Variants in CDH23 observed in about 807,000 individuals in gnomAD.
CDH23 encodes cadherin related 23.
A neutral mutation model predicts 317.1 loss-of-function variants in CDH23; 189 were observed. The ratio of observed to expected loss-of-function variants is 0.60; its 90% CI spans 0.53 to 0.67. The LOEUF (loss-of-function observed/expected upper bound fraction) is 0.67, where lower values mean the gene tolerates loss of function less well. CDH23 is among the 30% of genes least tolerant of loss of function. The probability of loss-of-function intolerance (pLI) is 0.00; values close to 1 mark genes in which losing one functional copy is unlikely to be tolerated. For synonymous variants in CDH23, 1,839 were observed against 1,876.8 expected, an observed-to-expected ratio of 0.98 and a Z score of 0.52; for missense variants, 4,401 against 4,592.4, an observed-to-expected ratio of 0.96 and a Z score of 1.20.
intron 9 of CDH23, among the ~76,000 whole-genome samples, chr10:71,591,480 C>T (rs938193132): frequency 6.6e-6 from 1 of 152,130 alleles, no homozygotes; most frequent in Non-Finnish European, 1.5e-5. Context: ...CAAGCTGATG[C>T]AGCTAACCAT....
chr10:71,509,526 A>T (rs1436214845), intron 3 of CDH23, among the ~76,000 whole-genome samples: 1 of 152,164 alleles, frequency 6.6e-6, no homozygotes, highest in East Asian at 1.9e-4. Flanking sequence ...TGTGGTGCCA[A>T]AGATGGCTGC....
intron 9 of CDH23, among the ~76,000 whole-genome samples, chr10:71,604,773 C>T (rs1275267108): frequency 6.6e-6 from 1 of 152,238 alleles, no homozygotes; most frequent in African/African-American, 2.4e-5. Flanking sequence ...CTGCCCTCAG[C>T]AGGACTGGGC....
chr10:71,448,174 A>G (rs1263598602), intron 3 of CDH23, among the ~76,000 whole-genome samples: 2 of 152,146 alleles, frequency 1.3e-5, no homozygotes, highest in Non-Finnish European at 2.9e-5. Context: ...GGGTCCTCAG[A>G]GGCCTATGTA....
At chr10:71,694,297 G>A (rs201887019) in intron 21 of CDH23, 38 bp downstream of exon 21, 160 of 1,503,382 alleles carry the variant, frequency 1.1e-4, no homozygotes, top group East Asian at 3.0e-4. Context: ...GCTCCCCCTC[G>A]CCGGCCAGGC....
chr10:71,666,139 C>T (rs1863882167), intron 14 of CDH23, among the ~76,000 whole-genome samples: 1 of 152,088 alleles, frequency 6.6e-6, no homozygotes, highest in African/African-American at 2.4e-5. Flanking sequence ...CCCATCCTGT[C>T]CTCACTGCTC....
chr10:71,754,353 G>T (rs767749394), intron 38 of CDH23, among the ~76,000 whole-genome samples: 2 of 152,200 alleles, frequency 1.3e-5, no homozygotes, highest in African/African-American at 4.8e-5. Context: ...TGAGGGGAGG[G>T]AGGGATGACA....
At chr10:71,576,449 C>G (rs760178201) in intron 8 of CDH23, among the ~76,000 whole-genome samples, 1 of 151,926 alleles carries the variant, frequency 6.6e-6, no homozygotes, top group Non-Finnish European at 1.5e-5. Context: ...TAGCTTGCCC[C>G]ACAAGAGCGC....
At chr10:71,634,190 G>A (rs571883483) in intron 11 of CDH23, among the ~76,000 whole-genome samples, 1 of 152,350 alleles carries the variant, frequency 6.6e-6, no homozygotes, top group East Asian at 1.9e-4. Context: ...CCAGGAGGCT[G>A]GTGAGGCCAG....
At chr10:71,804,399 C>G (rs1206670192) in intron 55 of CDH23, among the ~76,000 whole-genome samples, 1 of 152,202 alleles carries the variant, frequency 6.6e-6, no homozygotes, top group Non-Finnish European at 1.5e-5. Context: ...TGCTCTCCCC[C>G]TTTCTTCTAA....
intron 6 of CDH23, among the ~76,000 whole-genome samples, chr10:71,514,723 G>A (rs1274087594): frequency 6.6e-6 from 1 of 152,170 alleles, no homozygotes; most frequent in Non-Finnish European, 1.5e-5. Flanking sequence ...ACTTGTCGAA[G>A]TCCTAACGAG....
At chr10:71,769,793 T>C (rs1840645556) in intron 38 of CDH23, among the ~76,000 whole-genome samples, 1 of 152,146 alleles carries the variant, frequency 6.6e-6, no homozygotes. Flanking sequence ...AGCAACCTCA[T>C]TATTGGATTA....
chr10:71,711,092 C>G (rs1273710444), intron 27 of CDH23, among the ~76,000 whole-genome samples: 2 of 152,124 alleles, frequency 1.3e-5, no homozygotes, highest in Non-Finnish European at 2.9e-5. Context: ...CCGCCCATGC[C>G]CAGATGCCTC....
chr10:71,606,694 G>A (rs559059975), intron 9 of CDH23, among the ~76,000 whole-genome samples: 1 of 152,328 alleles, frequency 6.6e-6, no homozygotes, highest in South Asian at 2.1e-4. Context: ...TCAGAAAGTA[G>A]AAGTGCTTTG....
intron 9 of CDH23, among the ~76,000 whole-genome samples, chr10:71,603,200 C>T (rs1054130530): frequency 6.6e-6 from 1 of 152,110 alleles, no homozygotes; most frequent in African/African-American, 2.4e-5. Flanking sequence ...CAGCGCGTGC[C>T]CCCTCCTCCT....
chr10:71,744,931 A>AT (rs1290336378), intron 38 of CDH23, among the ~76,000 whole-genome samples: 7 of 152,282 alleles, frequency 4.6e-5, no homozygotes, highest in South Asian at 2.1e-4. Context: ...TCCATCTTCA[A>AT]TTTTTCCCCC....
chr10:71,496,956 C>T (rs1388633336), intron 3 of CDH23, among the ~76,000 whole-genome samples: 10 of 152,148 alleles, frequency 6.6e-5, no homozygotes, highest in Non-Finnish European at 1.2e-4. Flanking sequence ...ATGGCAGCCT[C>T]GTAGTGGAGA....
chr10:71,487,408 G>A (rs1486905749), intron 3 of CDH23, among the ~76,000 whole-genome samples: 2 of 152,150 alleles, frequency 1.3e-5, no homozygotes, highest in African/African-American at 4.8e-5. Flanking sequence ...TCAAGGGTCA[G>A]CTGTACATGC....
intron 38 of CDH23, among the ~76,000 whole-genome samples, chr10:71,767,815 C>T (rs1468844636): frequency 6.6e-6 from 1 of 152,214 alleles, no homozygotes; most frequent in East Asian, 1.9e-4. Flanking sequence ...ACCAAGGGGG[C>T]TGGGAAGGGG....
intron 38 of CDH23, chr10:71,753,146 C>T (rs1840048569): frequency 5.6e-6 from 5 of 895,650 alleles, no homozygotes; most frequent in South Asian, 5.3e-5. Flanking sequence ...TTTCTTTTCA[C>T]ATGGGTGCTG....
Sources: allele counts gnomAD v4.1 joint callset (sites outside exome capture counted in the v4.1 genomes callset), GRCh38; gene constraint gnomAD v4.1.1; transcripts MANE v1.5; gene names NCBI Gene and HGNC (gene_info 2026-07-23, HGNC 2026-07-21).